The following FHAD1 variants were observed in gnomAD, a reference collection of about 807,000 sequenced individuals.
The protein encoded by FHAD1 is forkhead-associated domain-containing protein 1.
A neutral mutation model predicts 191.3 loss-of-function variants in FHAD1; 146 were observed. The observed-to-expected ratio is 0.76, with a 90% CI of 0.67 to 0.88. The LOEUF is 0.88. Among genes scored for constraint, FHAD1 ranks in the 40% least tolerant of loss-of-function variants. The pLI is 0.00. For missense variants in FHAD1, 1,635 were observed against 1,785.8 expected (o/e 0.92, Z 1.52); for synonymous variants, 616 against 672.3 (o/e 0.92, Z 1.29).
downstream of FHAD1, among the ~76,000 whole-genome samples, chr1:15,398,659 A>G (rs1012793084): frequency 6.6e-6 from 1 of 152,012 alleles, no homozygotes; most frequent in Admixed American, 6.6e-5. Flanking sequence ...CTAGGTACAC[A>G]CACTCCTGTT....
rs1484082597 is a variant in FHAD1, at chr1:15,374,601, A to G, written c.3547A>G (p.Ile1183Val). 6.4e-7 allele frequency: 1 copy of G among 1,551,668 alleles called. No individual in the cohort carries two copies. Among genetic ancestry groups the G allele is most frequent in the East Asian group, 2.4e-5 (1 of 40,900 alleles). The change falls in exon 27 of 34, where the codon ATT becomes GTT. Residue 1183 changes from isoleucine (I) to valine (V), a missense_variant. Physicochemically the swap from Ile to Val is conservative, Grantham distance 29 (BLOSUM62 3). Coordinates refer to ENST00000688493, the MANE Select transcript of FHAD1 (RefSeq NM_001391957.1). ...GGCCTTATCTGAACTTCGAGCGCGA[A>G]TTAAAGAACTCGAGAAGGCGCGCTC... ...KKALSELRARIKELEKARSPD... is the reference protein window; with the variant it reads ...KKALSELRARVKELEKARSPD...
chr1:15,244,724 T>C (rs1374304933), upstream of FHAD1, among the ~76,000 whole-genome samples: 1 of 152,114 alleles, frequency 6.6e-6, no homozygotes, highest in African/African-American at 2.4e-5. The surrounding 1 kb of genome is among the most constrained non-coding windows in gnomAD (Gnocchi z 5.1). Flanking sequence ...AAAAAGAAAT[T>C]CCTGCTTTCA....
chr1:15,385,128 T>C (rs1701814903), intron 31 of FHAD1, among the ~76,000 whole-genome samples: 1 of 121,042 alleles, frequency 8.3e-6, no homozygotes, highest in Non-Finnish European at 1.6e-5. Flanking sequence ...AGGGGGAAAA[T>C]CTTTTTTTTT....
intron 31 of FHAD1, among the ~76,000 whole-genome samples, chr1:15,385,226 A>G (rs890259474): frequency 1.3e-5 from 2 of 151,724 alleles, no homozygotes; most frequent in African/African-American, 4.8e-5. Context: ...ACCTGTATAC[A>G]TCTGTTTAGG....
chr1:15,262,267 C>CA (rs141464785), intron 2 of FHAD1, among the ~76,000 whole-genome samples: 147 of 152,306 alleles, frequency 9.7e-4, no homozygotes, highest in Middle Eastern at 3.4e-3. Context: ...TAATAGTGAA[C>CA]ATTTTAACAC....
At chr1:15,238,323 C>T (rs972510199) in intron 1 of FHAD1, among the ~76,000 whole-genome samples, 1 of 149,150 alleles carries the variant, frequency 6.7e-6, no homozygotes, top group Non-Finnish European at 1.5e-5. Flanking sequence ...TGCTACAAAA[C>T]CTCCAGAAAC....
intron 3 of FHAD1, among the ~76,000 whole-genome samples, chr1:15,277,118 A>G (rs1345458628): frequency 6.6e-6 from 1 of 152,206 alleles, no homozygotes; most frequent in Non-Finnish European, 1.5e-5. Context: ...TGCTGTTCTT[A>G]TAAAGCAGCT....
chr1:15,392,153 T>C (rs1335355855), intron 33 of FHAD1, among the ~76,000 whole-genome samples: 1 of 152,076 alleles, frequency 6.6e-6, no homozygotes, highest in African/African-American at 2.4e-5. Flanking sequence ...TATCCAGCCC[T>C]CCAGCCACAG....
rs920091707 is a variant in FHAD1, at chr1:15,316,601, A to C, written c.1260+134A>C. ...GTGCTTGCTTGTTTAACATAGTCTC[A>C]TTGCTCTTTGATCTGCTGCTTCTGC... On this transcript the variant is annotated intron_variant, in intron 9 of 33. Coordinates refer to ENST00000688493, the MANE Select transcript of FHAD1 (RefSeq NM_001391957.1). This position sits in a 1 kb window ranked among gnomAD's most constrained non-coding sequence, Gnocchi z 4.3. 12 of 760,940 alleles carry C rather than the reference A, an allele frequency of 1.6e-5. No individual in the cohort carries two copies. The highest frequency in any genetic ancestry group is 2.6e-5 in the Non-Finnish European group (12 of 468,996). 47.1% of individuals were successfully genotyped at this position (760,940 alleles called of 1,614,324 possible).
In FHAD1 at chr1:15,317,707, C is replaced by T. The variant is rs548071343; in HGVS notation, c.1261-117C>T. ...AGGAATTAAATAAGCTGATACCAGA[C>T]AAGGTTTCCACCTTAATGGATGGGA... On this transcript the variant is annotated intron_variant, in intron 9 of 33. Transcript: ENST00000688493. The T allele has an allele frequency of 4.8e-5, 31 of 646,454 alleles. 1 individual carries two copies. The South Asian group carries it at 6.2e-4, about 13-fold the overall frequency. The allele number at this position is 646,454 out of a possible 1,614,324, so 40.0% of individuals were successfully genotyped here.
rs1010294 is a variant in FHAD1 at position 15,382,044 on chromosome 1, A to G, written c.4039A>G (p.Ile1347Val). ...TGCACCCAGGCGGAGCAAAGTGTCC[A>G]TTGAGATGTACCAGTCGCAGGTGGC... ...VEQLRRSKVSIEMYQSQVAKL... is the reference protein window; with the variant it reads ...VEQLRRSKVSVEMYQSQVAKL... Residue 1347 changes from isoleucine to valine, a missense_variant, in exon 31 of 34, where the codon ATT becomes GTT. Coordinates refer to ENST00000688493, the MANE Select transcript of FHAD1 (RefSeq NM_001391957.1). 0.28 allele frequency: 441,376 copies of G among 1,551,594 alleles called. 70,924 individuals carry two copies. The highest frequency in any genetic ancestry group is 0.7 in the African/African-American group (51,319 of 72,938).
At chr1:15,281,201 C>T (rs1462330277) in intron 3 of FHAD1, among the ~76,000 whole-genome samples, 2 of 152,172 alleles carry the variant, frequency 1.3e-5, no homozygotes, top group East Asian at 3.9e-4. Context: ...GCTCTTCTGT[C>T]TGCGTTTTAG....
chr1:15,338,573 C>G (rs1001077161), intron 14 of FHAD1, among the ~76,000 whole-genome samples: 1 of 152,170 alleles, frequency 6.6e-6, no homozygotes, highest in African/African-American at 2.4e-5. Context: ...CGGTCACACC[C>G]ACAGGTTCCA....
intron 19 of FHAD1, among the ~76,000 whole-genome samples, chr1:15,350,874 T>A (rs1255184141): frequency 6.6e-6 from 1 of 151,912 alleles, no homozygotes; most frequent in Non-Finnish European, 1.5e-5. Context: ...ATGAGGGAAG[T>A]GAGGTCAGAG....
intron 3 of FHAD1, among the ~76,000 whole-genome samples, chr1:15,285,143 A>C (rs1428004606): frequency 6.6e-6 from 1 of 152,146 alleles, no homozygotes; most frequent in Non-Finnish European, 1.5e-5. Flanking sequence ...TTTCTGAGAA[A>C]ACCTTGACCT....
upstream of FHAD1, among the ~76,000 whole-genome samples, chr1:15,242,380 A>G (rs544548274): frequency 6.6e-6 from 1 of 152,290 alleles, no homozygotes; most frequent in African/African-American, 2.4e-5. Context: ...TTTCTGTATA[A>G]TGAGTTGGGC....
intron 2 of FHAD1, among the ~76,000 whole-genome samples, chr1:15,254,140 TTTC>T (rs1647126249): frequency 1.3e-5 from 2 of 152,330 alleles, no homozygotes; most frequent in South Asian, 4.1e-4. Context: ...AGAATCGTAG[TTTC>T]TTCTGTATCA....
At chr1:15,285,534 CATAA>C (rs146578897) in intron 3 of FHAD1, among the ~76,000 whole-genome samples, 2 of 151,892 alleles carry the variant, frequency 1.3e-5, no homozygotes, top group Non-Finnish European at 2.9e-5. Flanking sequence ...ATTCCATCTC[CATAA>C]ATAAATAAAT....
chr1:15,368,622 C>T (rs1163743360), intron 25 of FHAD1, among the ~76,000 whole-genome samples: 1 of 152,164 alleles, frequency 6.6e-6, no homozygotes, highest in East Asian at 1.9e-4. Context: ...GGAGCAGACT[C>T]CAGACCTGGC....
Sources: gnomAD v4.1 joint callset for allele counts (sites outside exome capture counted in the v4.1 genomes callset) on GRCh38, gnomAD v4.1.1 for gene constraint, Gnocchi (gnomAD v3.1) non-coding constraint, MANE v1.5 for transcripts, NCBI Gene and HGNC (gene_info 2026-07-23, HGNC 2026-07-21) for gene names.